Variants in SNTG1 observed in about 807,000 individuals in gnomAD.
SNTG1 encodes the protein gamma-1-syntrophin.
Under a neutral mutation model 74.7 loss-of-function variants are expected in SNTG1, and 39 were observed. The ratio of observed to expected loss-of-function variants is 0.52; its 90% CI spans 0.40 to 0.68. The LOEUF (loss-of-function observed/expected upper bound fraction) is 0.68. Ranked by LOEUF, SNTG1 falls within the 30% of genes least tolerant of loss-of-function variation. The pLI is 0.00. For missense variants in SNTG1, 685 were observed against 609.5 expected (o/e 1.12, Z -1.30); for synonymous variants, 254 against 217.1 (o/e 1.17, Z -1.49).
intron 1 of SNTG1, among the ~76,000 whole-genome samples, chr8:50,130,835 A>G (rs2131400378): frequency 6.6e-6 from 1 of 152,208 alleles, no homozygotes; most frequent in East Asian, 1.9e-4. Context: ...GTAAAAAAGT[A>G]TGGGAGCTCC....
At chr8:50,410,482 T>C (rs2131392287) in intron 4 of SNTG1, among the ~76,000 whole-genome samples, 1 of 152,328 alleles carries the variant, frequency 6.6e-6, no homozygotes, top group African/African-American at 2.4e-5. Flanking sequence ...AAATATTGAA[T>C]TTACAAAGAA....
At chr8:50,348,369 G>A (rs2091545678) in intron 2 of SNTG1, among the ~76,000 whole-genome samples, 1 of 152,118 alleles carries the variant, frequency 6.6e-6, no homozygotes, top group African/African-American at 2.4e-5. Flanking sequence ...TTCTGTCCCT[G>A]CACCCACCCC....
chr8:50,420,141 A>T (rs1488503256), intron 4 of SNTG1, among the ~76,000 whole-genome samples: 1 of 152,174 alleles, frequency 6.6e-6, no homozygotes, highest in Non-Finnish European at 1.5e-5. Flanking sequence ...AATTTTTCAA[A>T]ATTGTGCAAA....
intron 1 of SNTG1, among the ~76,000 whole-genome samples, chr8:50,109,583 A>G (rs1409772668): frequency 6.6e-6 from 1 of 152,182 alleles, no homozygotes; most frequent in Non-Finnish European, 1.5e-5. Flanking sequence ...AAACTTAATG[A>G]ATAGAATACC....
chr8:50,699,217 GA>G (rs199579492), intron 15 of SNTG1, among the ~76,000 whole-genome samples: 3 of 97,434 alleles, frequency 3.1e-5, no homozygotes, highest in Non-Finnish European at 5.4e-5. Flanking sequence ...GAGGAAGAAA[GA>G]AAAAAAGTCT....
In SNTG1 at chr8:50,626,810, T is replaced by G. The variant is rs142201571; in HGVS notation, c.850-30099T>G. Among the ~76,000 whole-genome samples the G allele has an allele frequency of 5.0e-3, 760 of 152,272 alleles. 6 individuals are homozygous for G. The highest frequency in any genetic ancestry group is 0.017 in the African/African-American group (710 of 41,554). ...AGGAACATGTCAGTGCAGCAGAGAT[T>G]TTGTTTATGGCCAGTTTTGGGGCCA... is the stretch of plus-strand genomic sequence containing the variant. On this transcript the variant is annotated intron_variant, in intron 13 of 18. Coordinates refer to ENST00000642720, the MANE Select transcript of SNTG1 (RefSeq NM_018967.5).
chr8:49,914,505 G>T (rs1479339458), intron 1 of SNTG1, among the ~76,000 whole-genome samples: 1 of 152,060 alleles, frequency 6.6e-6, no homozygotes, highest in Non-Finnish European at 1.5e-5. Flanking sequence ...AATTTAAAAT[G>T]AGCCCTGGAA....
At chr8:50,563,515 G>A (rs1191380596) in intron 12 of SNTG1, among the ~76,000 whole-genome samples, 2 of 152,096 alleles carry the variant, frequency 1.3e-5, no homozygotes, top group African/African-American at 4.8e-5. Flanking sequence ...GTTTCTGGGT[G>A]TAGTTCCTTT....
At chr8:50,425,431 C>A (rs2093150764) in intron 4 of SNTG1, among the ~76,000 whole-genome samples, 1 of 152,074 alleles carries the variant, frequency 6.6e-6, no homozygotes, top group Admixed American at 6.6e-5. Flanking sequence ...AATCTAATAC[C>A]TGATGATCTG....
intron 2 of SNTG1, among the ~76,000 whole-genome samples, chr8:50,174,758 C>T (rs545647741): frequency 7.2e-5 from 11 of 151,932 alleles, no homozygotes; most frequent in East Asian, 3.9e-4. Flanking sequence ...ATGTGCACAA[C>T]GTGCAGGTTT....
chr8:50,137,710 A>G (rs954012406), intron 1 of SNTG1, among the ~76,000 whole-genome samples: 1 of 152,180 alleles, frequency 6.6e-6, no homozygotes, highest in African/African-American at 2.4e-5. Context: ...GTAAACCACC[A>G]GATCTGTGGG....
Position 50,657,000 on chromosome 8 carries a change from G to C in SNTG1, c.941G>C (p.Cys314Ser). The C allele has an allele frequency of 6.4e-7, 1 of 1,560,484 alleles. No homozygotes were observed. The highest frequency in any genetic ancestry group is 2.4e-5 in the East Asian group (1 of 42,538). The stretch of plus-strand genomic sequence containing the variant: ...ACCTTCCTGGCCCTGAGGGGCTCAT[G>C]TCTCTACAAGTTTCTGGCACCTCCA... ...SPTFLALRGS[C>S]LYKFLAPPVT... Residue 314 changes from cysteine (C) to serine (S), a missense_variant, in exon 14 of 19, where the codon TGT (cysteine) becomes TCT (serine). By Grantham distance (112) the Cys-to-Ser change is moderately radical (BLOSUM62 -1). Coordinates refer to ENST00000642720, the MANE Select transcript of SNTG1 (RefSeq NM_018967.5).
At chr8:50,554,593 C>A (rs1159295005) in intron 12 of SNTG1, among the ~76,000 whole-genome samples, 1 of 151,520 alleles carries the variant, frequency 6.6e-6, no homozygotes, top group Non-Finnish European at 1.5e-5. Flanking sequence ...CAAGAGTGAG[C>A]TCTCACTCCC....
At chr8:50,777,628 G>T in intron 18 of SNTG1, among the ~76,000 whole-genome samples, 1 of 144,604 alleles carries the variant, frequency 6.9e-6, no homozygotes, top group African/African-American at 2.8e-5. Flanking sequence ...TCTCACTGTT[G>T]GCATCTTTTG....
rs1361915579 is a variant in SNTG1 at position 50,511,509 on chromosome 8, G to A, written c.466+8629G>A. Among the ~76,000 whole-genome samples, 8 of 152,322 alleles carry A rather than the reference G, an allele frequency of 5.3e-5. No individual in the cohort carries two copies. In the East Asian group the frequency reaches 1.4e-3, roughly 26 times the overall value. On this transcript the variant is annotated intron_variant, in intron 9 of 18. Transcript: ENST00000642720. Reference sequence around the variant, plus strand: ...CTCATTGACCTGTCTCATGTTGACAGCGTAGTGTTAAAGTCTCCCATTATT... The same window carrying A: ...CTCATTGACCTGTCTCATGTTGACAACGTAGTGTTAAAGTCTCCCATTATT...
chr8:50,363,114 C>T (rs1443542058), intron 2 of SNTG1, among the ~76,000 whole-genome samples: 1 of 151,572 alleles, frequency 6.6e-6, no homozygotes, highest in African/African-American at 2.4e-5. Context: ...TTTTTTCAAC[C>T]CCAGTGGTAA....
At chr8:50,632,751 C>G (rs910159839) in intron 13 of SNTG1, among the ~76,000 whole-genome samples, 1 of 152,122 alleles carries the variant, frequency 6.6e-6, no homozygotes, top group African/African-American at 2.4e-5. Flanking sequence ...CATGCCTTTC[C>G]CAAACCAAAA....
intron 11 of SNTG1, among the ~76,000 whole-genome samples, chr8:50,548,355 A>G (rs1322672116): frequency 6.6e-6 from 1 of 152,160 alleles, no homozygotes; most frequent in Admixed American, 6.6e-5. Context: ...GCTAAGAAAG[A>G]TCAGAAAAAT....
intron 4 of SNTG1, among the ~76,000 whole-genome samples, chr8:50,407,164 T>C (rs936791454): frequency 5.9e-5 from 9 of 152,124 alleles, no homozygotes; most frequent in African/African-American, 2.2e-4. Flanking sequence ...AATTATGAGA[T>C]GAATTTGAGA....
Sources: gnomAD v4.1 joint callset for allele counts (sites outside exome capture counted in the v4.1 genomes callset) on GRCh38, gnomAD v4.1.1 for gene constraint, MANE v1.5 for transcripts, NCBI Gene and HGNC (gene_info 2026-07-23, HGNC 2026-07-21) for gene names.